The following IDS variants were observed in gnomAD, a reference collection of about 807,000 sequenced individuals.
The protein encoded by IDS is iduronate 2-sulfatase.
In IDS, 1 loss-of-function variant was observed where a neutral mutation model predicts 33.5. The ratio of observed to expected loss-of-function variants is 0.03; its 90% CI spans 0.01 to 0.14. The LOEUF is 0.14. Among genes scored for constraint, IDS ranks in the 10% least tolerant of loss-of-function variants. The probability of loss-of-function intolerance (pLI) is 1.00; values close to 1 mark genes in which losing one functional copy is unlikely to be tolerated. For missense variants in IDS, 328 were observed against 448.0 expected (o/e 0.73, Z 2.42); for synonymous variants, 191 against 184.4 (o/e 1.04, Z -0.29).
rs1399850622 is a variant in IDS, at chrX:149,479,779, A to G, written c.*2967T>C. ...CAAAAAATTCACACCCCCAAAAAAG[A>G]CAAGATATTATATGGCAATTTTGTG... On this transcript the variant is annotated 3_prime_UTR_variant, in exon 9 of 9. Transcript: ENST00000340855. 8.8e-6 allele frequency: 1 copy of G among 113,574 alleles called. No homozygotes were observed. Among genetic ancestry groups the G allele is most frequent in the Non-Finnish European group, 1.8e-5 (1 of 54,262 alleles). The allele number at this position is 113,574 out of a possible 1,213,427, so 9.4% of individuals were successfully genotyped here.
Position 149,482,514 on chromosome X carries a change from G to A in IDS, c.*232C>T, listed in dbSNP as rs2089300821. The A allele has an allele frequency of 7.3e-6, 3 of 413,044 alleles. No homozygotes were observed. In the South Asian group the frequency reaches 1.1e-4, roughly 15 times the overall value. The allele number at this position is 413,044 out of a possible 1,213,427, so 34.0% of individuals were successfully genotyped here. A position where few individuals can be genotyped will look rare whatever the true frequency, so the allele number is the denominator to read the frequency against. ...ATAAGCCGTAACTGTTTTAAAAAGA[G>A]GGAAATTAAAAAAAAAACTGGTCCA... On this transcript the variant is annotated 3_prime_UTR_variant, in exon 9 of 9. Coordinates refer to ENST00000340855, the MANE Select transcript of IDS (RefSeq NM_000202.8).
At position 149,483,370 on chromosome X, in the gene IDS, C is replaced by G. The variant is rs2089309432; in HGVS notation, c.1181-152G>C. ...TAGCAACAGACGTTTAGAAACACCA[C>G]CTCGGCACCTCACCCTGCATTAATT... On this transcript the variant is annotated intron_variant, in intron 8 of 8. Coordinates refer to ENST00000340855, the MANE Select transcript of IDS (RefSeq NM_000202.8). The G allele has an allele frequency of 1.0e-4, 47 of 464,406 alleles. No individual in the cohort carries two copies. In the South Asian group the frequency reaches 1.6e-3, roughly 16 times the overall value. The allele number at this position is 464,406 out of a possible 1,213,427, so 38.3% of individuals were successfully genotyped here.
chrX:149,488,748 G>C (rs1312185172), intron 7 of IDS, among the ~76,000 whole-genome samples: 1 of 111,232 alleles, frequency 9.0e-6, no homozygotes, highest in Non-Finnish European at 1.9e-5. Flanking sequence ...AGCAAATACG[G>C]GGAAGTCTGG....
In IDS at chrX:149,478,786, A is replaced by G. The variant is rs1457045037; in HGVS notation, c.*3960T>C. ...CCAAACAATGCAAAGGAAAATGAAT[A>G]TTTATTCAATGTCCAGATTGGGGAG... On this transcript the variant is annotated 3_prime_UTR_variant, in exon 9 of 9. Coordinates refer to ENST00000340855, the MANE Select transcript of IDS (RefSeq NM_000202.8). The G allele has an allele frequency of 8.9e-6, 1 of 112,170 alleles. No individual in the cohort carries two copies. The highest frequency in any genetic ancestry group is 1.9e-5 in the Non-Finnish European group (1 of 53,272). 9.2% of individuals were successfully genotyped at this position (112,170 alleles called of 1,213,427 possible).
rs2124041932 is a variant in IDS, at chrX:149,496,478, C to T, written c.747G>A (p.Leu249=). The T allele has an allele frequency of 8.3e-7, 1 of 1,211,220 alleles. No individual in the cohort carries two copies. The highest frequency in any genetic ancestry group is 1.1e-6 in the Non-Finnish European group (1 of 895,254). Residue 249 remains leucine, a synonymous_variant, in exon 6 of 9, where the codon CTG becomes CTA. Coordinates refer to ENST00000340855, the MANE Select transcript of IDS (RefSeq NM_000202.8). ...QKLYPLENIT[L]APDPEVPDGL... ...CATCAGGGACCTCGGGATCGGGGGC[C>T]AGGGTGATGTTCTCCAAGGGATACA...
intron 7 of IDS, among the ~76,000 whole-genome samples, chrX:149,489,998 C>G (rs962442160): frequency 3.7e-5 from 4 of 108,873 alleles, no homozygotes; most frequent in African/African-American, 1.3e-4. Flanking sequence ...AGTCCTCCAA[C>G]CCTCCAGGTT....
chrX:149,505,227 C>G lies in IDS; in HGVS notation c.-90G>C. On this transcript the variant is annotated 5_prime_UTR_variant, in exon 1 of 9. Coordinates refer to ENST00000340855, the MANE Select transcript of IDS (RefSeq NM_000202.8). ...GCCGCCGCCGCAGCCACAGAGACCTCCTCGTCGGGAACCCATGAAGACTGC... is the reference window on the plus strand; with the variant it reads ...GCCGCCGCCGCAGCCACAGAGACCTGCTCGTCGGGAACCCATGAAGACTGC... 1.6e-6 allele frequency: 1 copy of G among 630,356 alleles called. No homozygotes were observed. The allele number at this position is 630,356 out of a possible 1,213,427, so 51.9% of individuals were successfully genotyped here.
rs894922823 is a variant in IDS, at chrX:149,479,982, G to C, written c.*2764C>G. The stretch of plus-strand genomic sequence containing the variant: ...ACAAAAACCTCAGCCTCCTTCGGGA[G>C]GGGGGGAGCTTGGTAGTGAAAAATG... On this transcript the variant is annotated 3_prime_UTR_variant, in exon 9 of 9. Coordinates refer to ENST00000340855, the MANE Select transcript of IDS (RefSeq NM_000202.8). 8.9e-5 allele frequency: 23 copies of C among 258,019 alleles called. No individual in the cohort carries two copies. Among genetic ancestry groups the C allele is most frequent in the East Asian group, 2.8e-4 (5 of 18,064 alleles). The allele number at this position is 258,019 out of a possible 1,213,427, so 21.3% of individuals were successfully genotyped here.
intron 8 of IDS, among the ~76,000 whole-genome samples, chrX:149,484,010 T>C (rs902763330): frequency 8.9e-6 from 1 of 112,978 alleles, no homozygotes; most frequent in African/African-American, 3.2e-5. Flanking sequence ...GACTGAATAA[T>C]ATTCCATTGC....
chrX:149,501,397 G>C (rs2089479492), intron 3 of IDS, among the ~76,000 whole-genome samples: 1 of 112,080 alleles, frequency 8.9e-6, no homozygotes, highest in Non-Finnish European at 1.9e-5. Context: ...GGGAGGCTCA[G>C]GGAAGGTATG....
At chrX:149,486,887 C>T in intron 8 of IDS, 38 bp downstream of exon 8, 2 of 1,185,059 alleles carry the variant, frequency 1.7e-6, no homozygotes, top group South Asian at 1.8e-5. Flanking sequence ...TAAAGGTGAT[C>T]TTACTGTCAA....
At chrX:149,484,447 G>T (rs1457196190) in intron 8 of IDS, among the ~76,000 whole-genome samples, 1 of 112,149 alleles carries the variant, frequency 8.9e-6, no homozygotes, top group Non-Finnish European at 1.9e-5. Context: ...TCAGCCTCCT[G>T]AGTAGCTGGG....
intron 6 of IDS, among the ~76,000 whole-genome samples, chrX:149,492,259 TCCCACCACTCTGA>T (rs2089399620): frequency 9.0e-6 from 1 of 111,571 alleles, no homozygotes; most frequent in African/African-American, 3.3e-5. Flanking sequence ...CTATAGTTTT[TCCCACCACTCTGA>T]CCGATCCCCC....
rs2089512043 is a variant in IDS, at chrX:149,504,904, T to TGA, written c.103+129_103+130dup. The TGA allele has an allele frequency of 1.9e-5, 9 of 462,270 alleles. No homozygotes were observed. The East Asian group carries it at 3.7e-4, about 19-fold the overall frequency. The allele number at this position is 462,270 out of a possible 1,213,427, so 38.1% of individuals were successfully genotyped here. Reference sequence around the variant, plus strand: ...ATGGAGGGAGGGAACGAATGATGGATGAAAGAAGGAATGGTAGGAGAGAGG... The same window carrying TGA: ...ATGGAGGGAGGGAACGAATGATGGATGAGAAAGAAGGAATGGTAGGAGAGAGG... On this transcript the variant is annotated intron_variant, in intron 1 of 8. Transcript: ENST00000340855.
chrX:149,483,871 C>G (rs1230909660), intron 8 of IDS, among the ~76,000 whole-genome samples: 1 of 112,495 alleles, frequency 8.9e-6, no homozygotes, highest in Admixed American at 9.4e-5. Context: ...ATGAACTGGA[C>G]TACTCTAGAT....
Position 149,496,286 on chromosome X carries a change from T to A in IDS, c.879+60A>T. ...GAGTTGTGTCTACTGAGAAGAGTGG[T>A]TTCACCTACGACACTATGTCATCAG... On this transcript the variant is annotated intron_variant, in intron 6 of 8. Transcript: ENST00000340855. 6.6e-6 allele frequency: 7 copies of A among 1,066,466 alleles called. No homozygotes were observed. In the South Asian group the frequency reaches 1.3e-4, roughly 20 times the overall value. The allele number at this position is 1,066,466 out of a possible 1,213,427, so 87.9% of individuals were successfully genotyped here. A position where few individuals can be genotyped will look rare whatever the true frequency, so the allele number is the denominator to read the frequency against.
intron 8 of IDS, among the ~76,000 whole-genome samples, chrX:149,484,054 AAT>A (rs1402592334): frequency 8.9e-6 from 1 of 112,837 alleles, no homozygotes. Context: ...TTCTTCTGTC[AAT>A]AGACATCTGA....
At chrX:149,491,943 G>A (rs1557338791) in intron 6 of IDS, among the ~76,000 whole-genome samples, 1 of 112,509 alleles carries the variant, frequency 8.9e-6, no homozygotes, top group Non-Finnish European at 1.9e-5. Flanking sequence ...CCTGGCTCTA[G>A]TGGCCAGAGA....
chrX:149,481,347 GC>G lies in IDS; in HGVS notation c.*1398del, dbSNP rs1342343145. The G allele has an allele frequency of 8.9e-5, 10 of 112,159 alleles. No individual in the cohort carries two copies. The highest frequency in any genetic ancestry group is 1.1e-4 in the Non-Finnish European group (6 of 53,236). The allele number at this position is 112,159 out of a possible 1,213,427, so 9.2% of individuals were successfully genotyped here. On this transcript the variant is annotated 3_prime_UTR_variant, in exon 9 of 9. Coordinates refer to ENST00000340855, the MANE Select transcript of IDS (RefSeq NM_000202.8). Reference sequence around the variant, plus strand: ...TGTTACCATATAACCTCTATTGTAGGCTAATTAATTTTTAAAATCTGTCTAA... The same window carrying G: ...TGTTACCATATAACCTCTATTGTAGGTAATTAATTTTTAAAATCTGTCTAA...
Sources: allele counts gnomAD v4.1 joint callset (sites outside exome capture counted in the v4.1 genomes callset), GRCh38; gene constraint gnomAD v4.1.1; transcripts MANE v1.5; gene names NCBI Gene and HGNC (gene_info 2026-07-23, HGNC 2026-07-21).